CHD9: variants seen among roughly 807,000 people sequenced by gnomAD.
The protein encoded by CHD9 is chromodomain helicase DNA binding protein 9, also known as ATP-dependent chromatin remodeler CHD9.
A neutral mutation model predicts 316.1 loss-of-function variants in CHD9; 77 were observed. The observed-to-expected ratio is 0.24, with a 90% CI of 0.20 to 0.29. CHD9 has a LOEUF of 0.29. Ranked by LOEUF, CHD9 falls within the 10% of genes least tolerant of loss-of-function variation. The pLI is 1.00. For missense variants in CHD9, 2,763 were observed against 3,438.1 expected (o/e 0.80, Z 4.91); for synonymous variants, 1,129 against 1,158.3 (o/e 0.97, Z 0.51).
At chr16:53,253,793 A>G (rs1436699570) in intron 17 of CHD9, among the ~76,000 whole-genome samples, 1 of 152,146 alleles carries the variant, frequency 6.6e-6, no homozygotes, top group African/African-American at 2.4e-5. Context: ...GTCTAAAAAA[A>G]ACAACAAAAA....
At chr16:53,134,801 C>G (rs997842888) in intron 1 of CHD9, among the ~76,000 whole-genome samples, 7 of 152,178 alleles carry the variant, frequency 4.6e-5, no homozygotes, top group African/African-American at 1.7e-4. Context: ...CATTCACATC[C>G]ATTTATTCAT....
intron 1 of CHD9, among the ~76,000 whole-genome samples, chr16:53,131,456 G>T: frequency 6.8e-6 from 1 of 146,812 alleles, no homozygotes; most frequent in Admixed American, 6.7e-5. Context: ...GGCAGGGGGC[G>T]CTGCCTGCAC....
chr16:53,227,266 T>C, intron 5 of CHD9, 130 bp from the exon 6 acceptor site: 1 of 598,882 alleles, frequency 1.7e-6, no homozygotes. Context: ...TTCTAACACG[T>C]AACATAGTGT....
chr16:53,157,598 AT>A, intron 2 of CHD9, 57 bp downstream of exon 2: 1 of 1,474,608 alleles, frequency 6.8e-7, no homozygotes, highest in South Asian at 1.3e-5. Context: ...ACTGTTAGTC[AT>A]TGGGTTAATT....
intron 1 of CHD9, among the ~76,000 whole-genome samples, chr16:53,092,682 C>T (rs1436171740): frequency 6.6e-6 from 1 of 152,314 alleles, no homozygotes; most frequent in East Asian, 1.9e-4. Flanking sequence ...CCCCACTCTC[C>T]ACACTTAGGA....
chr16:53,228,946 G>C, intron 7 of CHD9, 37 bp from the exon 8 acceptor site: 1 of 939,494 alleles, frequency 1.1e-6, no homozygotes, highest in Non-Finnish European at 1.6e-6. Flanking sequence ...ATGGTTATCT[G>C]TGTCATTCTA....
intron 12 of CHD9, among the ~76,000 whole-genome samples, chr16:53,241,073 C>T (rs1340288527): frequency 6.6e-6 from 1 of 152,128 alleles, no homozygotes; most frequent in East Asian, 1.9e-4. Context: ...TAATATTCTA[C>T]TGCAGCTATT....
intron 1 of CHD9, among the ~76,000 whole-genome samples, chr16:53,067,961 A>G (rs1320257224): frequency 6.6e-6 from 1 of 152,062 alleles, no homozygotes; most frequent in Non-Finnish European, 1.5e-5. Flanking sequence ...TGGGGTGCTG[A>G]GGCAGGAGAA....
intron 2 of CHD9, among the ~76,000 whole-genome samples, chr16:53,193,384 G>A (rs559882656): frequency 2.0e-5 from 3 of 152,062 alleles, no homozygotes; most frequent in Admixed American, 1.3e-4. Context: ...GGGAGGCAGA[G>A]CTTGCAGTGA....
At chr16:53,205,937 G>A (rs767316720) in intron 2 of CHD9, among the ~76,000 whole-genome samples, 7 of 151,676 alleles carry the variant, frequency 4.6e-5, no homozygotes, top group Admixed American at 1.3e-4. Context: ...TCTCAACTAG[G>A]TTTCCTATTT....
At chr16:53,166,186 C>T (rs2042257045) in intron 2 of CHD9, among the ~76,000 whole-genome samples, 3 of 152,110 alleles carry the variant, frequency 2.0e-5, no homozygotes, top group Admixed American at 2.0e-4. Flanking sequence ...TTCTGAAATA[C>T]ATCCTAGTTA....
chr16:53,082,628 T>C (rs146070866), intron 1 of CHD9, among the ~76,000 whole-genome samples: 64 of 152,376 alleles, frequency 4.2e-4, no homozygotes, highest in African/African-American at 1.5e-3. Context: ...ACTGCCCTGT[T>C]GGTCCCTTAC....
Position 53,273,752 on chromosome 16 carries a change from G to T in CHD9, c.4844G>T (p.Gly1615Val). ...CCCGAGCAGCTCCTTCAAGATGAAG[G>T]CTACAAAAAACATATAAAACACCAC... ...YNPEQLLQDE[G>V]YKKHIKHHCN... is the part of the protein sequence containing the mutation. Residue 1615 changes from glycine to valine, a missense_variant, in exon 23 of 39, where the codon GGC becomes GTC. Gly to Val is a moderately radical substitution (Grantham distance 109, BLOSUM62 -3). Transcript: ENST00000447540. 6.2e-7 allele frequency: 1 copy of T among 1,613,062 alleles called. No individual in the cohort carries two copies. The highest frequency in any genetic ancestry group is 8.5e-7 in the Non-Finnish European group (1 of 1,179,496).
chr16:53,296,771 A>C (rs1369624562), intron 29 of CHD9, among the ~76,000 whole-genome samples, 185 bp from the exon 30 acceptor site: 2 of 152,160 alleles, frequency 1.3e-5, no homozygotes, highest in East Asian at 3.9e-4. Context: ...TTCTAAAAAA[A>C]AGTATGGTTG....
intron 29 of CHD9, among the ~76,000 whole-genome samples, chr16:53,295,665 C>A (rs1355931126): frequency 1.3e-5 from 2 of 151,920 alleles, no homozygotes; most frequent in Non-Finnish European, 2.9e-5. Flanking sequence ...TTCTTATTAC[C>A]CAGATTTAAT....
At chr16:53,290,998 A>G (rs2054286944) in intron 27 of CHD9, among the ~76,000 whole-genome samples, 1 of 152,218 alleles carries the variant, frequency 6.6e-6, no homozygotes, top group African/African-American at 2.4e-5. Flanking sequence ...GATGTTATGA[A>G]TACATGAATC....
chr16:53,204,023 C>CAAA (rs530552464), intron 2 of CHD9, among the ~76,000 whole-genome samples: 29 of 48,328 alleles, frequency 6.0e-4, no homozygotes, highest in South Asian at 2.2e-3. Context: ...GACTCCATCT[C>CAAA]AAAAAAAAAA....
intron 2 of CHD9, among the ~76,000 whole-genome samples, chr16:53,179,341 C>G (rs970474205): frequency 2.6e-5 from 4 of 151,524 alleles, no homozygotes; most frequent in Non-Finnish European, 5.9e-5. Context: ...ATCATTTTCA[C>G]TTAAAATATC....
chr16:53,144,893 G>A (rs1044046021), intron 1 of CHD9, among the ~76,000 whole-genome samples: 1 of 151,536 alleles, frequency 6.6e-6, no homozygotes, highest in Non-Finnish European at 1.5e-5. Flanking sequence ...TCAGGAGGCA[G>A]AGGTGGGTGG....
Sources: gnomAD v4.1 joint callset for allele counts (sites outside exome capture counted in the v4.1 genomes callset) on GRCh38, gnomAD v4.1.1 for gene constraint, MANE v1.5 for transcripts, NCBI Gene and HGNC (gene_info 2026-07-23, HGNC 2026-07-21) for gene names.